The following GULP1 variants were observed in gnomAD, a reference collection of about 807,000 sequenced individuals.
GULP1 encodes PTB domain-containing engulfment adapter protein 1.
In GULP1, 19 loss-of-function variants were observed where a neutral mutation model predicts 40.9. That is an observed-to-expected ratio of 0.46 (90% CI 0.32 to 0.68). GULP1 has a LOEUF of 0.68. Ranked by LOEUF, GULP1 falls within the 30% of genes least tolerant of loss-of-function variation. GULP1 has a pLI of 0.03. For missense variants in GULP1, 312 were observed against 362.2 expected (o/e 0.86, Z 1.12); for synonymous variants, 119 against 117.6 (o/e 1.01, Z -0.08).
chr2:188,486,033 A>AT (rs1259743170), intron 4 of GULP1, among the ~76,000 whole-genome samples: 3 of 152,078 alleles, frequency 2.0e-5, no homozygotes, highest in African/African-American at 7.2e-5. Context: ...AAGTTGACAC[A>AT]TAAAACTGAT....
intron 2 of GULP1, among the ~76,000 whole-genome samples, chr2:188,388,092 C>T (rs954963933): frequency 2.3e-4 from 33 of 144,486 alleles, no homozygotes; most frequent in Non-Finnish European, 2.7e-4. Flanking sequence ...CCTGTGTTCT[C>T]ATTGTTCAAT....
chr2:188,427,064 TGTGGAACTTTGAACTTACGA>T lies in GULP1; in HGVS notation c.-45+43179_-45+43198del, dbSNP rs1452040377. 3.9e-5 allele frequency among the ~76,000 whole-genome samples: 6 copies of T among 152,300 alleles called. No individual in the cohort carries two copies. In the East Asian group the frequency reaches 1.2e-3, roughly 29 times the overall value. On this transcript the variant is annotated intron_variant, in intron 2 of 11. Transcript: ENST00000409830. ...GCATTTTGCCTCTGCCCTAGGGAAC[TGTGGAACTTTGAACTTACGA>T]GTGATGATTTAGGGTATCTGGAGGA...
chr2:188,542,535 T>C (rs1690797209), intron 7 of GULP1, among the ~76,000 whole-genome samples: 1 of 152,168 alleles, frequency 6.6e-6, no homozygotes, highest in Admixed American at 6.5e-5. Flanking sequence ...TTTTTTAAAC[T>C]GTAGTTCTCT....
chr2:188,386,529 A>G (rs754922155), intron 2 of GULP1, among the ~76,000 whole-genome samples: 24 of 152,092 alleles, frequency 1.6e-4, no homozygotes, highest in Non-Finnish European at 3.2e-4. Flanking sequence ...TGTATTTTCT[A>G]TTATATCTGT....
At chr2:188,421,780 G>C (rs1413266566) in intron 2 of GULP1, among the ~76,000 whole-genome samples, 1 of 152,146 alleles carries the variant, frequency 6.6e-6, no homozygotes, top group Non-Finnish European at 1.5e-5. Context: ...AGCTTTAGAG[G>C]CAGAGGGACA....
At chr2:188,453,921 T>G (rs1324348085) in intron 2 of GULP1, among the ~76,000 whole-genome samples, 1 of 152,246 alleles carries the variant, frequency 6.6e-6, no homozygotes, top group Non-Finnish European at 1.5e-5. Flanking sequence ...TGGCCTTTCT[T>G]TCTTTCCACT....
chr2:188,429,491 C>T (rs2056603267), intron 2 of GULP1, among the ~76,000 whole-genome samples: 1 of 151,764 alleles, frequency 6.6e-6, no homozygotes, highest in South Asian at 2.1e-4. Context: ...CAGAGCAAGA[C>T]TCTGTCTCAA....
intron 7 of GULP1, among the ~76,000 whole-genome samples, chr2:188,543,731 A>G (rs1057359421): frequency 1.3e-5 from 2 of 152,168 alleles, no homozygotes; most frequent in African/African-American, 2.4e-5. Flanking sequence ...TAGAATCAGG[A>G]CTAAAATCTA....
intron 2 of GULP1, among the ~76,000 whole-genome samples, chr2:188,414,860 A>G (rs911569879): frequency 2.6e-5 from 4 of 152,186 alleles, no homozygotes; most frequent in African/African-American, 9.7e-5. Flanking sequence ...CTTAAGTATA[A>G]TTAATCTGCC....
At chr2:188,553,539 T>A (rs1471251759) in intron 7 of GULP1, among the ~76,000 whole-genome samples, 1 of 152,046 alleles carries the variant, frequency 6.6e-6, no homozygotes, top group Non-Finnish European at 1.5e-5. Flanking sequence ...ATTATATTTT[T>A]GTGTGCTGTT....
At chr2:188,495,507 A>G (rs900100573) in intron 4 of GULP1, among the ~76,000 whole-genome samples, 1 of 152,076 alleles carries the variant, frequency 6.6e-6, no homozygotes, top group Non-Finnish European at 1.5e-5. Flanking sequence ...CAAACAAATA[A>G]TAGTGATTAA....
intron 1 of GULP1, among the ~76,000 whole-genome samples, chr2:188,364,378 A>T (rs2046467459): frequency 6.6e-6 from 1 of 152,160 alleles, no homozygotes; most frequent in South Asian, 2.1e-4. Flanking sequence ...TCCAAACAGC[A>T]TGTTCAGAAT....
At chr2:188,333,407 A>G (rs1243978450) in intron 1 of GULP1, among the ~76,000 whole-genome samples, 1 of 152,098 alleles carries the variant, frequency 6.6e-6, no homozygotes, top group Non-Finnish European at 1.5e-5. Flanking sequence ...ATTTTGGGCA[A>G]ATATCTCTTA....
rs1353663083 is a variant in GULP1 at position 188,409,124 on chromosome 2, A to G, written c.-45+25235A>G. On this transcript the variant is annotated intron_variant, in intron 2 of 11. Coordinates refer to ENST00000409830, the MANE Select transcript of GULP1 (RefSeq NM_016315.4). ...AGCCCAACTCAGTAGAAGGAAAAAA[A>G]TAATAAAAATCAGTGCAAATAAATG... is the stretch of plus-strand genomic sequence containing the variant. Among the ~76,000 whole-genome samples the G allele has an allele frequency of 2.0e-5, 3 of 152,286 alleles. No homozygotes were observed. The South Asian group carries it at 6.2e-4, about 32-fold the overall frequency.
At position 188,587,961 on chromosome 2, in the gene GULP1, G is replaced by C; in HGVS notation, c.843+12G>C. On this transcript the variant is annotated intron_variant, in intron 11 of 11. Coordinates refer to ENST00000409830, the MANE Select transcript of GULP1 (RefSeq NM_016315.4). ...TAGATGAGATGCAGGTGACTATTTT[G>C]ATAGACTGGCCCATAAATGATTTAT... 1 of 1,258,706 alleles carries C rather than the reference G, an allele frequency of 7.9e-7. No homozygotes were observed. The highest frequency in any genetic ancestry group is 1.2e-6 in the Non-Finnish European group (1 of 855,382). The allele number at this position is 1,258,706 out of a possible 1,614,324, so 78.0% of individuals were successfully genotyped here.
intron 1 of GULP1, 46 bp from the exon 2 acceptor site, chr2:188,383,717 T>C (rs1363917310): frequency 1.3e-5 from 2 of 152,194 alleles, no homozygotes; most frequent in African/African-American, 4.8e-5. Flanking sequence ...TAAACAGAAA[T>C]GTAATTATTG....
At chr2:188,495,922 GTTAGTCCCTGAT>G (rs1453547153) in intron 4 of GULP1, among the ~76,000 whole-genome samples, 1 of 151,962 alleles carries the variant, frequency 6.6e-6, no homozygotes, top group African/African-American at 2.4e-5. Context: ...TTATTAGGAG[GTTAGTCCCTGAT>G]TCCTTGCATA....
intron 4 of GULP1, among the ~76,000 whole-genome samples, chr2:188,494,574 C>T (rs1306245196): frequency 6.6e-6 from 1 of 152,040 alleles, no homozygotes; most frequent in Non-Finnish European, 1.5e-5. Flanking sequence ...CACACACAGA[C>T]CCGTACAGTA....
intron 2 of GULP1, among the ~76,000 whole-genome samples, chr2:188,461,653 A>G (rs748852638): frequency 6.6e-6 from 1 of 151,516 alleles, no homozygotes; most frequent in East Asian, 1.9e-4. Flanking sequence ...TTATTGCTCT[A>G]TTCAGGTTTT....
Sources: gnomAD v4.1 joint callset for allele counts (sites outside exome capture counted in the v4.1 genomes callset) on GRCh38, gnomAD v4.1.1 for gene constraint, MANE v1.5 for transcripts, NCBI Gene and HGNC (gene_info 2026-07-23, HGNC 2026-07-21) for gene names.